Variants in GTPBP4 observed in about 807,000 individuals in gnomAD.
The protein encoded by GTPBP4 is GTP-binding protein 4.
In GTPBP4, 15 loss-of-function variants were observed where a neutral mutation model predicts 81.7. The ratio of observed to expected loss-of-function variants is 0.18; its 90% CI spans 0.12 to 0.28. GTPBP4 has a LOEUF of 0.28. Ranked by LOEUF, GTPBP4 falls within the 10% of genes least tolerant of loss-of-function variation. The pLI is 1.00. For synonymous variants in GTPBP4, 272 were observed against 274.6 expected (o/e 0.99, Z 0.09); for missense variants, 847 against 793.8 (o/e 1.07, Z -0.81).
intron 12 of GTPBP4, among the ~76,000 whole-genome samples, chr10:1,010,072 T>C (rs1354734145): frequency 6.6e-6 from 1 of 151,114 alleles, no homozygotes; most frequent in African/African-American, 2.4e-5. Flanking sequence ...TGGGGTGATT[T>C]CTGTAGCTTT....
chr10:1,011,193 C>A (rs1265810036), intron 13 of GTPBP4, among the ~76,000 whole-genome samples: 2 of 152,034 alleles, frequency 1.3e-5, no homozygotes, highest in Non-Finnish European at 2.9e-5. Context: ...ACCACCTTCC[C>A]CACCCTGTAT....
intron 8 of GTPBP4, among the ~76,000 whole-genome samples, chr10:1,004,955 G>A (rs1447726064): frequency 6.6e-6 from 1 of 152,188 alleles, no homozygotes; most frequent in Non-Finnish European, 1.5e-5. Flanking sequence ...AGCTCCTTCT[G>A]TGTGGGAGCA....
chr10:999,834 C>CTGT (rs1352524714), intron 6 of GTPBP4, among the ~76,000 whole-genome samples: 1 of 152,172 alleles, frequency 6.6e-6, no homozygotes, highest in Non-Finnish European at 1.5e-5. Flanking sequence ...TGGTGGGTGC[C>CTGT]TGTAATCCCA....
At chr10:988,734 G>C (rs929519706) in intron 1 of GTPBP4, 2 of 586,914 alleles carry the variant, frequency 3.4e-6, no homozygotes, top group African/African-American at 3.7e-5. Context: ...ATCCCCCAGA[G>C]ACCGGGGTCC....
At chr10:1,010,862 G>C (rs1831846154) in intron 13 of GTPBP4, among the ~76,000 whole-genome samples, 2 of 143,268 alleles carry the variant, frequency 1.4e-5, no homozygotes, top group East Asian at 4.2e-4. Context: ...GAGATGCTGG[G>C]CCCCTTCATT....
Position 996,190 on chromosome 10 carries a change from G to A in GTPBP4, c.408G>A (p.Arg136=). Residue 136 remains arginine (R), a synonymous_variant, in exon 4 of 17, where the codon CGG becomes CGA. Transcript: ENST00000360803. ...CKQLKRAALG[R]MCTVIKRQKQ... ...AGCTGAAGCGTGCGGCCCTGGGACG[G>A]ATGTGCACAGTGATCAAGAGGCAGA... 6.2e-7 allele frequency: 1 copy of A among 1,614,082 alleles called. No individual in the cohort carries two copies. Among genetic ancestry groups the A allele is most frequent in the Non-Finnish European group, 8.5e-7 (1 of 1,179,942 alleles).
chr10:999,533 G>T (rs949159087), intron 6 of GTPBP4, among the ~76,000 whole-genome samples: 1 of 152,224 alleles, frequency 6.6e-6, no homozygotes, highest in Non-Finnish European at 1.5e-5. Context: ...AGAACAGGTC[G>T]CATGTCTCTG....
chr10:1,016,484 A>G (rs1831995404), intron 16 of GTPBP4, among the ~76,000 whole-genome samples: 1 of 152,262 alleles, frequency 6.6e-6, no homozygotes, highest in Non-Finnish European at 1.5e-5. Context: ...GAGTCTGTGT[A>G]TAAACTGCAG....
chr10:995,482 A>G (rs1214076061), intron 2 of GTPBP4, among the ~76,000 whole-genome samples: 1 of 114,076 alleles, frequency 8.8e-6, no homozygotes, highest in Non-Finnish European at 1.8e-5. Context: ...AGGAGAGGAG[A>G]GACACAGTGT....
intron 8 of GTPBP4, among the ~76,000 whole-genome samples, chr10:1,001,606 A>C (rs1421405906): frequency 1.3e-5 from 2 of 151,516 alleles, no homozygotes; most frequent in Non-Finnish European, 2.9e-5. Flanking sequence ...TGTCAGCATC[A>C]CCTTCTTAAT....
rs200523641 is a variant in GTPBP4, at chr10:1,000,734, A to G, written c.712A>G (p.Met238Val). 2 of 1,588,360 alleles carry G rather than the reference A, an allele frequency of 1.3e-6. No individual in the cohort carries two copies. The highest frequency in any genetic ancestry group is 3.5e-5 in the Admixed American group (2 of 56,652). ...TCTGGAGGATAGGAACACCATCGAG[A>G]TGCAGGCCATCACTGCCCTGGCCCA... The part of the protein sequence containing the change: ...HPLEDRNTIE[M>V]QAITALAHLR... The change falls in exon 7 of 17, where the codon ATG (methionine) becomes GTG (valine). Residue 238 changes from methionine to valine, a missense_variant. By Grantham distance (21) the Met-to-Val change is conservative (BLOSUM62 1). Transcript: ENST00000360803.
Position 1,019,599 on chromosome 10 carries a change from G to A in GTPBP4, c.*2372G>A, listed in dbSNP as rs775017505. 1.9e-6 allele frequency: 3 copies of A among 1,614,044 alleles called. No individual in the cohort carries two copies. Among genetic ancestry groups the A allele is most frequent in the Non-Finnish European group, 2.5e-6 (3 of 1,180,002 alleles). On this transcript the variant is annotated 3_prime_UTR_variant, in exon 17 of 17. Coordinates refer to ENST00000360803, the MANE Select transcript of GTPBP4 (RefSeq NM_012341.3). The stretch of plus-strand genomic sequence containing the variant: ...CCACCACCGGTACAGAAACCTCTCG[G>A]CAATGGTTCTTAGCCAGGGGGTGAC...
chr10:1,009,004 G>C lies in GTPBP4; in HGVS notation c.1160G>C (p.Arg387Thr). The C allele has an allele frequency of 6.2e-7, 1 of 1,613,102 alleles. No homozygotes were observed. The highest frequency in any genetic ancestry group is 1.3e-5 in the African/African-American group (1 of 75,056). ...IPEGVVARRK[R>T]METEESRKKR... is the part of the protein sequence containing the mutation. Reference sequence around the variant, plus strand: ...GAAGGAGTGGTGGCTCGCAGGAAGAGGATGGAAACTGAGGAGTCCAGGAAG... The same window carrying C: ...GAAGGAGTGGTGGCTCGCAGGAAGACGATGGAAACTGAGGAGTCCAGGAAG... Residue 387 changes from arginine to threonine, a missense_variant, in exon 11 of 17, where the codon AGG becomes ACG. By Grantham distance (71) the Arg-to-Thr change is moderately conservative (BLOSUM62 -1). Transcript: ENST00000360803.
chr10:996,546 T>G lies in GTPBP4; in HGVS notation c.460+304T>G, dbSNP rs41304579. 6.4e-4 allele frequency: 137 copies of G among 212,584 alleles called. 1 individual carries two copies. The highest frequency in any genetic ancestry group is 1.1e-3 in the Non-Finnish European group (121 of 109,024). The allele number at this position is 212,584 out of a possible 1,614,324, so 13.2% of individuals were successfully genotyped here. On this transcript the variant is annotated intron_variant, in intron 4 of 16. Coordinates refer to ENST00000360803, the MANE Select transcript of GTPBP4 (RefSeq NM_012341.3). ...GGTGGCTCATAGTTTATTATTGACT[T>G]TTTTATTTTTAAAAACACTTGTATT...
intron 15 of GTPBP4, among the ~76,000 whole-genome samples, chr10:1,014,896 C>T (rs576781767): frequency 1.3e-5 from 2 of 151,144 alleles, no homozygotes; most frequent in South Asian, 4.2e-4. Flanking sequence ...AAAAGCTCCA[C>T]AGCCAGCACG....
At chr10:988,662 T>A in intron 1 of GTPBP4, 135 bp downstream of exon 1, 2 of 669,930 alleles carry the variant, frequency 3.0e-6, no homozygotes, top group Non-Finnish European at 5.3e-6. Flanking sequence ...CCTGACCGTC[T>A]GGCCGCGTAC....
rs112118175 is a variant in GTPBP4 at position 993,414 on chromosome 10, T to G, written c.219+755T>G. Among the ~76,000 whole-genome samples the G allele has an allele frequency of 3.1e-3, 468 of 152,118 alleles. 2 individuals are homozygous for G. The highest frequency in any genetic ancestry group is 0.01 in the African/African-American group (420 of 41,484). On this transcript the variant is annotated intron_variant, in intron 2 of 16. Coordinates refer to ENST00000360803, the MANE Select transcript of GTPBP4 (RefSeq NM_012341.3). The stretch of plus-strand genomic sequence containing the variant: ...ATTACAGGTGCATAACCACGCCTAA[T>G]TTTTGTATTTTTAGTAGAAATGGGG...
Position 992,524 on chromosome 10 carries a change from A to G in GTPBP4, c.84A>G (p.Arg28=), listed in dbSNP as rs928525880. ...FIDLTLSKTQ[R]KTPTVIHKHY... ...ACCTCACGTTGTCGAAGACTCAACG[A>G]AAGACTCCAACCGTTATTCATAAAC... Residue 28 remains arginine (R), a synonymous_variant, in exon 2 of 17, where the codon CGA becomes CGG. Transcript: ENST00000360803. 2.5e-6 allele frequency: 4 copies of G among 1,606,726 alleles called. No homozygotes were observed. The highest frequency in any genetic ancestry group is 2.2e-5 in the South Asian group (2 of 90,774).
At chr10:999,752 A>G (rs1490141804) in intron 6 of GTPBP4, among the ~76,000 whole-genome samples, 1 of 152,220 alleles carries the variant, frequency 6.6e-6, no homozygotes, top group Non-Finnish European at 1.5e-5. Flanking sequence ...TGAGGTCAGA[A>G]GTTCGAGATT....
Sources: gnomAD v4.1 joint callset for allele counts (sites outside exome capture counted in the v4.1 genomes callset) on GRCh38, gnomAD v4.1.1 for gene constraint, MANE v1.5 for transcripts, NCBI Gene and HGNC (gene_info 2026-07-23, HGNC 2026-07-21) for gene names.